The following ABLIM1 variants were observed in gnomAD, a reference collection of about 807,000 sequenced individuals.
ABLIM1 encodes actin binding LIM protein 1, also known as actin-binding LIM protein 1.
In ABLIM1, 40 loss-of-function variants were observed where a neutral mutation model predicts 107.0. The ratio of observed to expected loss-of-function variants is 0.37; its 90% CI spans 0.29 to 0.49. The LOEUF (loss-of-function observed/expected upper bound fraction) is 0.49, where lower values mean the gene tolerates loss of function less well. Ranked by LOEUF, ABLIM1 falls within the 20% of genes least tolerant of loss-of-function variation. ABLIM1 has a pLI of 0.97. For synonymous variants in ABLIM1, 357 were observed against 357.3 expected (o/e 1.00, Z 0.01); for missense variants, 857 against 1,008.5 (o/e 0.85, Z 2.04).
intron 1 of ABLIM1, among the ~76,000 whole-genome samples, chr10:114,718,390 A>G (rs1214233913): frequency 1.3e-5 from 2 of 152,198 alleles, no homozygotes; most frequent in African/African-American, 4.8e-5. Flanking sequence ...AGCCCAATAC[A>G]TAAACACCTT....
In ABLIM1 at chr10:114,593,954, CAAAG is replaced by C. The variant is rs1292908204; in HGVS notation, c.379+7869_379+7872del. ...GTACTCAGGATCATCCTTTACTAAA[CAAAG>C]ACAGTATGAAAGTGGGTTCCCACTT... On this transcript the variant is annotated intron_variant, in intron 2 of 22. Transcript: ENST00000533213. Among the ~76,000 whole-genome samples, 6 of 152,184 alleles carry C rather than the reference CAAAG, an allele frequency of 3.9e-5. No individual in the cohort carries two copies. In the East Asian group the frequency reaches 1.2e-3, roughly 29 times the overall value.
intron 1 of ABLIM1, among the ~76,000 whole-genome samples, chr10:114,756,878 G>A (rs142398231): frequency 3.9e-5 from 6 of 152,146 alleles, no homozygotes; most frequent in Non-Finnish European, 7.4e-5. Flanking sequence ...TAACGCCATC[G>A]TGCCACTGGA....
chr10:114,774,473 T>C, the ABLIM1 span, among the ~76,000 whole-genome samples: 3 of 152,200 alleles, frequency 2.0e-5, no homozygotes, highest in Non-Finnish European at 2.9e-5. Context: ...GAGGAAACTA[T>C]GTGGAGAAAG....
In ABLIM1 at chr10:114,749,544, A is replaced by AG. The variant is rs1184259222; in HGVS notation, c.-213+18516dup. Among the ~76,000 whole-genome samples, 8 of 151,988 alleles carry AG rather than the reference A, an allele frequency of 5.3e-5. No individual in the cohort carries two copies. The East Asian group carries it at 9.7e-4, about 18-fold the overall frequency. ...ATAAACAAGCCCAAAGTCACAGATC[A>AG]GGGGTACTCGTGATTTCTTTAAGGA... On this transcript the variant is annotated intron_variant, in intron 1 of 15. Transcript: ENST00000651092.
intron 2 of ABLIM1, among the ~76,000 whole-genome samples, chr10:114,590,885 T>C (rs948067121): frequency 2.0e-5 from 3 of 152,204 alleles, no homozygotes; most frequent in Non-Finnish European, 2.9e-5. Flanking sequence ...TTGGTCTTGG[T>C]TGATCTTATC....
intron 6 of ABLIM1, among the ~76,000 whole-genome samples, chr10:114,515,289 C>A (rs2062630937): frequency 6.8e-6 from 1 of 147,762 alleles, no homozygotes; most frequent in Non-Finnish European, 1.5e-5. Flanking sequence ...GATGTGGAAG[C>A]TGCCATTCCC....
chr10:114,486,731 T>G (rs980003462), intron 8 of ABLIM1, among the ~76,000 whole-genome samples: 3 of 152,126 alleles, frequency 2.0e-5, no homozygotes, highest in African/African-American at 7.2e-5. Context: ...CCCCTCAACT[T>G]AAGTATGTTC....
Position 114,581,738 on chromosome 10 carries a change from G to T in ABLIM1, c.380-6139C>A, listed in dbSNP as rs376763888. On this transcript the variant is annotated intron_variant, in intron 2 of 22. Coordinates refer to ENST00000533213, the MANE Select transcript of ABLIM1 (RefSeq NM_002313.7). ...TGCCAGGTGGTCAGCTCTTCTCAGG[G>T]AAGAAGGAGCCCTTCTGAATTTGCC... 2.0e-4 allele frequency among the ~76,000 whole-genome samples: 31 copies of T among 152,186 alleles called. No homozygotes were observed. The South Asian group carries it at 4.2e-3, about 20-fold the overall frequency.
the ABLIM1 span, among the ~76,000 whole-genome samples, chr10:114,791,679 A>G: frequency 6.6e-6 from 1 of 152,012 alleles, no homozygotes; most frequent in Non-Finnish European, 1.5e-5. Context: ...AACAACAACA[A>G]AACTTCAAAT....
chr10:114,449,820 C>T (rs1215625395), intron 14 of ABLIM1, among the ~76,000 whole-genome samples: 1 of 152,188 alleles, frequency 6.6e-6, no homozygotes. Flanking sequence ...TTGGGCATAA[C>T]AACTATTTCT....
At chr10:114,572,496 C>T (rs182973266) in intron 3 of ABLIM1, among the ~76,000 whole-genome samples, 24 of 152,234 alleles carry the variant, frequency 1.6e-4, no homozygotes, top group Non-Finnish European at 2.9e-4. Context: ...TTCTTACACC[C>T]TTACATTTTA....
chr10:114,645,630 G>A (rs776763636), intron 1 of ABLIM1, among the ~76,000 whole-genome samples: 22 of 152,156 alleles, frequency 1.4e-4, no homozygotes, highest in Non-Finnish European at 2.6e-4. Flanking sequence ...TCATCAGACA[G>A]AATATATTTT....
chr10:114,534,008 C>T (rs1014473392), intron 6 of ABLIM1, among the ~76,000 whole-genome samples: 1 of 152,146 alleles, frequency 6.6e-6, no homozygotes, highest in East Asian at 1.9e-4. Context: ...AGAGACACCA[C>T]CAAAGATTAA....
At chr10:114,473,244 A>G in intron 9 of ABLIM1, 112 bp from the exon 10 acceptor site, 1 of 1,040,822 alleles carries the variant, frequency 9.6e-7, no homozygotes, top group African/African-American at 1.6e-5. Context: ...ATAAACAAAA[A>G]CCAAAACATC....
intron 12 of ABLIM1, chr10:114,463,313 G>C: frequency 2.4e-6 from 2 of 823,118 alleles, no homozygotes; most frequent in Non-Finnish European, 3.3e-6. Flanking sequence ...AAGGAGAAAG[G>C]GTTAAGAGTG....
chr10:114,500,808 G>T (rs2060332089), intron 6 of ABLIM1, among the ~76,000 whole-genome samples: 1 of 149,178 alleles, frequency 6.7e-6, no homozygotes, highest in African/African-American at 2.5e-5. Context: ...TACTACGTAG[G>T]ATTGTTATGA....
intron 19 of ABLIM1, among the ~76,000 whole-genome samples, chr10:114,440,471 A>G (rs1589675073): frequency 6.6e-6 from 1 of 151,830 alleles, no homozygotes; most frequent in Non-Finnish European, 1.5e-5. Flanking sequence ...TTTAAGAGAC[A>G]GTCTTGCTCC....
chr10:114,484,279 C>T (rs902129600), intron 8 of ABLIM1, among the ~76,000 whole-genome samples: 3 of 152,168 alleles, frequency 2.0e-5, no homozygotes, highest in Admixed American at 6.5e-5. Context: ...AGATTAGCTA[C>T]CTCGCAGGAA....
rs913698047 is a variant in ABLIM1 at position 114,639,976 on chromosome 10, C to T, written c.244+17981G>A. Among the ~76,000 whole-genome samples the T allele has an allele frequency of 2.0e-5, 3 of 152,164 alleles. 1 individual carries two copies. Among genetic ancestry groups the T allele is most frequent in the Admixed American group, 6.5e-5 (1 of 15,280 alleles). ...ATAACTGAGTCACATTCCACTCAAACCAGGATGCTTGCTTTGAATGCACGG... is the reference window on the plus strand; with the variant it reads ...ATAACTGAGTCACATTCCACTCAAATCAGGATGCTTGCTTTGAATGCACGG... On this transcript the variant is annotated intron_variant, in intron 1 of 22. Transcript: ENST00000533213.
Sources: gnomAD v4.1 joint callset for allele counts (sites outside exome capture counted in the v4.1 genomes callset) on GRCh38, gnomAD v4.1.1 for gene constraint, MANE v1.5 for transcripts, NCBI Gene and HGNC (gene_info 2026-07-23, HGNC 2026-07-21) for gene names.